The following GALNTL6 variants were observed in gnomAD, a reference collection of about 807,000 sequenced individuals.
GALNTL6 encodes polypeptide N-acetylgalactosaminyltransferase like 6, also known as polypeptide N-acetylgalactosaminyltransferase-like 6.
A neutral mutation model predicts 73.7 loss-of-function variants in GALNTL6; 46 were observed. The ratio of observed to expected loss-of-function variants is 0.62; its 90% confidence interval spans 0.49 to 0.80. GALNTL6 has a LOEUF of 0.80. GALNTL6 is among the 30% of genes least tolerant of loss of function. The pLI is 0.00. For synonymous variants in GALNTL6, 259 were observed against 263.7 expected, an observed-to-expected ratio of 0.98 and a Z score of 0.17; for missense variants, 604 against 755.0, an observed-to-expected ratio of 0.80 and a Z score of 2.34.
chr4:172,735,258 G>A (rs372156289), intron 5 of GALNTL6, among the ~76,000 whole-genome samples: 9 of 152,186 alleles, frequency 5.9e-5, no homozygotes, highest in South Asian at 2.1e-4. Context: ...GCTAAAGACC[G>A]TAAAAACCCA....
chr4:172,013,224 A>G (rs1443351452), intron 2 of GALNTL6, among the ~76,000 whole-genome samples: 4 of 152,014 alleles, frequency 2.6e-5, no homozygotes, highest in Non-Finnish European at 5.9e-5. Flanking sequence ...ATATACAATA[A>G]ATTGTTGTTA....
chr4:172,213,474 GT>G (rs1220173906), intron 2 of GALNTL6, among the ~76,000 whole-genome samples: 3 of 152,074 alleles, frequency 2.0e-5, no homozygotes, highest in Admixed American at 2.0e-4. Flanking sequence ...ATGTGTACTA[GT>G]TTTTTATTAA....
In GALNTL6 at chr4:172,183,953, C is replaced by T. The variant is rs528240267; in HGVS notation, c.139-45703C>T. 3.7e-4 allele frequency among the ~76,000 whole-genome samples: 57 copies of T among 152,032 alleles called. No individual in the cohort carries two copies. In the South Asian group the frequency reaches 9.8e-3, roughly 26 times the overall value. ...AACTACAGGCATGCACCACCACACC[C>T]GGCTAATTTTTGTATTTTTAGTAGA... On this transcript the variant is annotated intron_variant, in intron 2 of 12. Transcript: ENST00000506823.
At chr4:173,004,366 G>A (rs1391142944) in intron 10 of GALNTL6, among the ~76,000 whole-genome samples, 3 of 152,120 alleles carry the variant, frequency 2.0e-5, no homozygotes, top group South Asian at 2.1e-4. Context: ...AGTGGCTCAC[G>A]CCTATAATCC....
intron 11 of GALNTL6, 47 bp downstream of exon 11, chr4:173,009,341 TGATGCAGACACAGAGG>T: frequency 9.3e-7 from 1 of 1,077,664 alleles, no homozygotes; most frequent in Non-Finnish European, 1.4e-6. Flanking sequence ...AGTCGGGGGC[TGATGCAGACACAGAGG>T]GATGCAGCTG....
intron 2 of GALNTL6, among the ~76,000 whole-genome samples, chr4:172,189,455 A>G (rs1056310355): frequency 2.6e-5 from 4 of 152,152 alleles, no homozygotes; most frequent in Admixed American, 6.5e-5. Context: ...TAGTTCTGTA[A>G]CAAAATGAAG....
chr4:172,782,678 C>T (rs1739434126), intron 5 of GALNTL6, among the ~76,000 whole-genome samples: 1 of 152,030 alleles, frequency 6.6e-6, no homozygotes, highest in African/African-American at 2.4e-5. Context: ...ACGGCTTCTT[C>T]GAAATCTGGG....
intron 5 of GALNTL6, among the ~76,000 whole-genome samples, chr4:172,375,368 T>A (rs1176774606): frequency 6.6e-6 from 1 of 152,092 alleles, no homozygotes; most frequent in Non-Finnish European, 1.5e-5. Context: ...CAGAAAAAAA[T>A]GAGCCGCCTC....
At chr4:172,975,700 C>CT (rs1750775606) in intron 10 of GALNTL6, among the ~76,000 whole-genome samples, 1 of 152,154 alleles carries the variant, frequency 6.6e-6, no homozygotes. Context: ...TCCTCAGCCC[C>CT]TTGCCTCAGC....
intron 2 of GALNTL6, among the ~76,000 whole-genome samples, chr4:171,827,477 C>T (rs1734854346): frequency 6.6e-6 from 1 of 152,136 alleles, no homozygotes; most frequent in South Asian, 2.1e-4. Context: ...TCTTGTTCTG[C>T]ACTCTCCCTG....
rs1560841631 is a variant in GALNTL6, at chr4:172,624,388, G to T, written c.554-184973G>T. ...GGTTTTTGGTTCTTGTTATTGGATA[G>T]ATCCATCTTTCTCTGCTTTTCCAAC... On this transcript the variant is annotated intron_variant, in intron 5 of 12. Transcript: ENST00000506823. Among the ~76,000 whole-genome samples the T allele has an allele frequency of 3.3e-5, 5 of 151,304 alleles. No homozygotes were observed. The South Asian group carries it at 8.3e-4, about 25-fold the overall frequency.
At chr4:172,216,052 C>G (rs887009184) in intron 2 of GALNTL6, among the ~76,000 whole-genome samples, 7 of 152,014 alleles carry the variant, frequency 4.6e-5, no homozygotes, top group Admixed American at 3.9e-4. Flanking sequence ...GCTAATATTA[C>G]TTTAAACAAA....
chr4:172,951,550 T>C (rs1749444687), intron 9 of GALNTL6, among the ~76,000 whole-genome samples: 1 of 152,242 alleles, frequency 6.6e-6, no homozygotes, highest in Non-Finnish European at 1.5e-5. Flanking sequence ...CAGTTTTAAA[T>C]GTACAAATGC....
chr4:172,751,256 A>G (rs919103819), intron 5 of GALNTL6, among the ~76,000 whole-genome samples: 2 of 152,192 alleles, frequency 1.3e-5, no homozygotes. Flanking sequence ...TCTTTTCAGT[A>G]TTACTAAAAT....
chr4:172,516,046 A>G (rs1734597224), intron 5 of GALNTL6, among the ~76,000 whole-genome samples: 1 of 152,158 alleles, frequency 6.6e-6, no homozygotes, highest in Non-Finnish European at 1.5e-5. Flanking sequence ...CATGAGGACA[A>G]ATATTTTTGT....
At chr4:171,998,942 C>T (rs1377416737) in intron 2 of GALNTL6, among the ~76,000 whole-genome samples, 2 of 152,232 alleles carry the variant, frequency 1.3e-5, no homozygotes, top group Non-Finnish European at 2.9e-5. Context: ...AGGACTGGTT[C>T]CTGGGGAAGA....
At chr4:172,317,803 T>C (rs1380313503) in intron 4 of GALNTL6, among the ~76,000 whole-genome samples, 3 of 152,194 alleles carry the variant, frequency 2.0e-5, no homozygotes, top group African/African-American at 7.2e-5. Context: ...AAAAAGTGAA[T>C]AGCACTAGTT....
At chr4:172,981,136 G>A (rs141637976) in intron 10 of GALNTL6, among the ~76,000 whole-genome samples, 13 of 152,284 alleles carry the variant, frequency 8.5e-5, no homozygotes, top group Non-Finnish European at 1.6e-4. Context: ...TTTAGGCTAT[G>A]CTTAATAATG....
chr4:172,598,007 C>T (rs971176302), intron 5 of GALNTL6, among the ~76,000 whole-genome samples: 1 of 151,806 alleles, frequency 6.6e-6, no homozygotes, highest in African/African-American at 2.4e-5. Flanking sequence ...TCTTCTCTAT[C>T]CATGGCATTT....
Sources: allele counts gnomAD v4.1 joint callset (sites outside exome capture counted in the v4.1 genomes callset), GRCh38; gene constraint gnomAD v4.1.1; transcripts MANE v1.5; gene names NCBI Gene and HGNC (gene_info 2026-07-23, HGNC 2026-07-21).